Variants in SYNPR observed in about 807,000 individuals in gnomAD.
SYNPR encodes the protein synaptoporin.
Under a neutral mutation model 32.9 loss-of-function variants are expected in SYNPR, and 23 were observed. That is an observed-to-expected ratio of 0.70 (90% confidence interval 0.50 to 0.99). The LOEUF is 0.99. Ranked by LOEUF, SYNPR falls within the 50% of genes least tolerant of loss-of-function variation. SYNPR has a pLI of 0.00. For missense variants in SYNPR, 318 were observed against 349.3 expected (o/e 0.91, Z 0.71); for synonymous variants, 146 against 135.9 (o/e 1.07, Z -0.52).
intron 2 of SYNPR, among the ~76,000 whole-genome samples, chr3:63,441,579 G>A (rs966289665): frequency 6.6e-6 from 1 of 152,148 alleles, no homozygotes; most frequent in Admixed American, 6.5e-5. Flanking sequence ...GTGATTCTAA[G>A]GCTTTTTTTC....
At chr3:63,407,207 A>C (rs2088371553) in intron 2 of SYNPR, among the ~76,000 whole-genome samples, 1 of 152,218 alleles carries the variant, frequency 6.6e-6, no homozygotes, top group African/African-American at 2.4e-5. Context: ...AGTAATAATG[A>C]ACCATTACAG....
chr3:63,263,635 T>C (rs75557280), intron 2 of SYNPR, among the ~76,000 whole-genome samples: 1 of 152,046 alleles, frequency 6.6e-6, no homozygotes, highest in East Asian at 1.9e-4. Context: ...ACTTCCAAAG[T>C]TGGTGAGTTG....
the SYNPR span, among the ~76,000 whole-genome samples, chr3:63,204,639 G>A: frequency 1.3e-5 from 2 of 152,038 alleles, no homozygotes; most frequent in Admixed American, 6.6e-5. Context: ...TAGATTCTTC[G>A]CTACCACAGC....
chr3:63,447,109 T>G (rs1700292151), intron 2 of SYNPR, among the ~76,000 whole-genome samples: 1 of 152,172 alleles, frequency 6.6e-6, no homozygotes, highest in Non-Finnish European at 1.5e-5. Context: ...ATCAATTTGC[T>G]TTTTCCAACA....
At chr3:63,496,116 T>TA (rs1015571845) in intron 3 of SYNPR, among the ~76,000 whole-genome samples, 8 of 151,676 alleles carry the variant, frequency 5.3e-5, no homozygotes, top group African/African-American at 1.2e-4. Flanking sequence ...AACTGATATT[T>TA]AAAAAAAAGT....
At chr3:63,285,162 T>A (rs2086668866) in intron 2 of SYNPR, among the ~76,000 whole-genome samples, 1 of 152,244 alleles carries the variant, frequency 6.6e-6, no homozygotes, top group South Asian at 2.1e-4. Context: ...TGAGGTCTTT[T>A]CTGAAAATGC....
In SYNPR at chr3:63,604,237, T is replaced by C. The variant is rs542890763; in HGVS notation, c.409-4888T>C. On this transcript the variant is annotated intron_variant, in intron 4 of 5. Coordinates refer to ENST00000478300, the MANE Select transcript of SYNPR (RefSeq NM_001130003.2). ...TTGTGTTTATTTGGAACTTCTATTTTGTTCTTTACAAGTCTAGCTACCAGT... is the reference window on the plus strand; with the variant it reads ...TTGTGTTTATTTGGAACTTCTATTTCGTTCTTTACAAGTCTAGCTACCAGT... 3.1e-4 allele frequency among the ~76,000 whole-genome samples: 47 copies of C among 152,328 alleles called. 1 individual carries two copies. The South Asian group carries it at 8.5e-3, about 28-fold the overall frequency.
chr3:63,355,756 G>T (rs900249950), intron 2 of SYNPR, among the ~76,000 whole-genome samples: 1 of 151,762 alleles, frequency 6.6e-6, no homozygotes, highest in African/African-American at 2.4e-5. Flanking sequence ...CTTTGCCAGT[G>T]CCTGGGCCTC....
chr3:63,249,805 T>C lies in SYNPR; in HGVS notation n.67-2694T>C, dbSNP rs2086316745. Among the ~76,000 whole-genome samples the C allele has an allele frequency of 2.0e-5, 3 of 152,164 alleles. 1 individual carries two copies. The highest frequency in any genetic ancestry group is 4.4e-5 in the Non-Finnish European group (3 of 68,014). ...TAACATTCTGTAATGTCAGCTTTTT[T>C]ATTTTTTGCTTGAATTTTTTTCAGC... is the stretch of plus-strand genomic sequence containing the variant. On this transcript the variant is annotated intron_variant and non_coding_transcript_variant, in intron 1 of 4. Transcript: ENST00000478456.
chr3:63,509,062 C>G (rs899371110), intron 3 of SYNPR, among the ~76,000 whole-genome samples: 1 of 151,712 alleles, frequency 6.6e-6, no homozygotes, highest in Middle Eastern at 3.4e-3. Flanking sequence ...CCAGTTCTTC[C>G]AAGATCAGCT....
intron 2 of SYNPR, among the ~76,000 whole-genome samples, chr3:63,402,886 G>T (rs898308825): frequency 6.6e-6 from 1 of 152,148 alleles, no homozygotes; most frequent in African/African-American, 2.4e-5. Flanking sequence ...TGCTGTGGGG[G>T]CACACAGGAT....
At chr3:63,332,994 A>G (rs1471126344) in intron 2 of SYNPR, among the ~76,000 whole-genome samples, 1 of 152,096 alleles carries the variant, frequency 6.6e-6, no homozygotes, top group African/African-American at 2.4e-5. Context: ...TGGACAACCA[A>G]AAATGTCTCC....
chr3:63,443,578 T>C, intron 2 of SYNPR: 1 of 1,241,944 alleles, frequency 8.1e-7, no homozygotes, highest in East Asian at 2.5e-5. Context: ...CAAGTATCAG[T>C]TTTTAAGTCT....
chr3:63,321,467 G>A (rs961257999), intron 2 of SYNPR, among the ~76,000 whole-genome samples: 3 of 152,006 alleles, frequency 2.0e-5, no homozygotes, highest in Non-Finnish European at 4.4e-5. Flanking sequence ...TATTATGCGG[G>A]TTATGAAAGT....
At chr3:63,548,561 C>T (rs186500026) in intron 3 of SYNPR, among the ~76,000 whole-genome samples, 103 of 152,084 alleles carry the variant, frequency 6.8e-4, no homozygotes, top group Admixed American at 1.0e-3. Context: ...CTAAAGACAA[C>T]GCAATCTAAA....
chr3:63,427,404 G>A (rs1385632694), intron 2 of SYNPR: 1 of 152,174 alleles, frequency 6.6e-6, no homozygotes. Flanking sequence ...TATAAAGTAT[G>A]TATCAACTAG....
intron 4 of SYNPR, among the ~76,000 whole-genome samples, chr3:63,603,495 CTT>C (rs1424461919): frequency 6.6e-6 from 1 of 152,008 alleles, no homozygotes; most frequent in African/African-American, 2.4e-5. Flanking sequence ...ATAGATAGCT[CTT>C]ATTACTTTGA....
At chr3:63,455,325 T>G (rs1297164117) in intron 2 of SYNPR, among the ~76,000 whole-genome samples, 1 of 152,168 alleles carries the variant, frequency 6.6e-6, no homozygotes, top group Non-Finnish European at 1.5e-5. Flanking sequence ...ATCCCTGGAC[T>G]CTAGAATGGC....
chr3:63,290,626 T>C (rs1414774949), intron 2 of SYNPR, among the ~76,000 whole-genome samples: 1 of 152,180 alleles, frequency 6.6e-6, no homozygotes, highest in Non-Finnish European at 1.5e-5. Flanking sequence ...AATTCAGAAA[T>C]ACGTTGTTGA....
Sources: gnomAD v4.1 joint callset for allele counts (sites outside exome capture counted in the v4.1 genomes callset) on GRCh38, gnomAD v4.1.1 for gene constraint, MANE v1.5 for transcripts, NCBI Gene and HGNC (gene_info 2026-07-23, HGNC 2026-07-21) for gene names.